The following DYM variants were observed in gnomAD, a reference collection of about 807,000 sequenced individuals.
The protein encoded by DYM is dymeclin, also known as dyggve-Melchior-Clausen syndrome protein.
A neutral mutation model predicts 93.1 loss-of-function variants in DYM; 78 were observed. The observed-to-expected ratio is 0.84, with a 90% CI of 0.70 to 1.01. The LOEUF (loss-of-function observed/expected upper bound fraction) is 1.01, where lower values mean the gene tolerates loss of function less well. Ranked by LOEUF, DYM falls within the 50% of genes least tolerant of loss-of-function variation. The pLI is 0.00. For synonymous variants in DYM, 321 were observed against 319.7 expected (o/e 1.00, Z -0.04); for missense variants, 789 against 845.0 (o/e 0.93, Z 0.82).
At chr18:49,114,514 G>A in intron 16 of DYM, 5 of 976,218 alleles carry the variant, frequency 5.1e-6, no homozygotes, top group Non-Finnish European at 6.1e-6. Context: ...TTACAGTGAG[G>A]TCCTTTCTAC....
chr18:49,107,778 G>A (rs2080991281), intron 16 of DYM, among the ~76,000 whole-genome samples: 1 of 152,196 alleles, frequency 6.6e-6, no homozygotes, highest in Non-Finnish European at 1.5e-5. Flanking sequence ...TTTTGTCTGA[G>A]ACGAGTACCC....
intron 15 of DYM, among the ~76,000 whole-genome samples, chr18:49,125,028 G>C (rs1224543193): frequency 6.6e-6 from 1 of 152,210 alleles, no homozygotes; most frequent in Non-Finnish European, 1.5e-5. Flanking sequence ...GGGAGGCTGA[G>C]GCAGGCGGAT....
chr18:49,092,078 A>T (rs2079096598), intron 17 of DYM, among the ~76,000 whole-genome samples: 1 of 152,198 alleles, frequency 6.6e-6, no homozygotes, highest in African/African-American at 2.4e-5. Flanking sequence ...CTTTCATTTC[A>T]GTTGTATATA....
At chr18:49,230,860 A>G (rs2093674274) in intron 13 of DYM, among the ~76,000 whole-genome samples, 1 of 152,246 alleles carries the variant, frequency 6.6e-6, no homozygotes, top group South Asian at 2.1e-4. Flanking sequence ...AAAGAGATAC[A>G]GAACCATGCA....
intron 8 of DYM, among the ~76,000 whole-genome samples, chr18:49,286,860 A>G (rs1380129007): frequency 6.6e-6 from 1 of 152,176 alleles, no homozygotes; most frequent in African/African-American, 2.4e-5. Context: ...TAAATTTTGT[A>G]AAAAAGTGAA....
At chr18:49,185,554 A>G (rs1235100895) in intron 14 of DYM, among the ~76,000 whole-genome samples, 2 of 152,258 alleles carry the variant, frequency 1.3e-5, no homozygotes, top group East Asian at 1.9e-4. Flanking sequence ...AAAGGCAGAA[A>G]GCTCACAACA....
chr18:49,096,205 C>T (rs936552241), intron 17 of DYM, among the ~76,000 whole-genome samples: 4 of 152,166 alleles, frequency 2.6e-5, no homozygotes, highest in African/African-American at 7.2e-5. Context: ...ATGCTATTAC[C>T]ACATGGTGGT....
In DYM at chr18:49,364,377, A is replaced by G. The variant is rs543797529; in HGVS notation, c.422-1144T>C. ...GGAGAATTGCTTGAACCCGGGAGGA[A>G]GAGGTTGCAGTGAACTGAGGTCGCG... is the stretch of plus-strand genomic sequence containing the variant. On this transcript the variant is annotated intron_variant, in intron 5 of 17. Coordinates refer to ENST00000675505, the MANE Select transcript of DYM (RefSeq NM_001353214.3). Among the ~76,000 whole-genome samples the G allele has an allele frequency of 4.7e-4, 72 of 152,120 alleles. No individual in the cohort carries two copies. The Middle Eastern group carries it at 0.017, about 36-fold the overall frequency.
At chr18:49,450,623 G>C (rs546201945) in intron 1 of DYM, among the ~76,000 whole-genome samples, 1 of 152,170 alleles carries the variant, frequency 6.6e-6, no homozygotes, top group Non-Finnish European at 1.5e-5. Flanking sequence ...CCAGAGAAGA[G>C]GTAAACAGGA....
intron 9 of DYM, among the ~76,000 whole-genome samples, chr18:49,285,730 G>A (rs984533958): frequency 3.9e-5 from 6 of 152,244 alleles, no homozygotes; most frequent in African/African-American, 1.4e-4. Flanking sequence ...CTGCTGTTGA[G>A]CAGCACTTGA....
At chr18:49,125,234 G>A (rs554784349) in intron 15 of DYM, among the ~76,000 whole-genome samples, 1 of 152,306 alleles carries the variant, frequency 6.6e-6, no homozygotes, top group South Asian at 2.1e-4. Flanking sequence ...ACTCCAGCCT[G>A]GGTGACAGAG....
chr18:49,085,466 T>G (rs749998458), intron 17 of DYM, among the ~76,000 whole-genome samples: 1 of 152,148 alleles, frequency 6.6e-6, no homozygotes, highest in Non-Finnish European at 1.5e-5. Flanking sequence ...AAGTAGAACA[T>G]GCTGGGAGTG....
rs367755116 is a variant in DYM, at chr18:49,399,613, G to C, written c.141-7968C>G. Among the ~76,000 whole-genome samples the C allele has an allele frequency of 5.9e-5, 9 of 152,262 alleles. No homozygotes were observed. In the East Asian group the frequency reaches 7.7e-4, roughly 13 times the overall value. On this transcript the variant is annotated intron_variant, in intron 2 of 17. Coordinates refer to ENST00000675505, the MANE Select transcript of DYM (RefSeq NM_001353214.3). ...TTTGATCAGGTCTCACCTAAGACAA[G>C]GTAAGAAGTCCATTCTCCACCCCAA...
intron 13 of DYM, among the ~76,000 whole-genome samples, chr18:49,232,921 TCTTATA>T (rs1480262441): frequency 3.9e-5 from 6 of 152,100 alleles, no homozygotes; most frequent in South Asian, 2.1e-4. Context: ...AAACGGAATT[TCTTATA>T]CTTAAAGTGT....
At chr18:49,384,265 T>G (rs908132636) in intron 3 of DYM, among the ~76,000 whole-genome samples, 3 of 136,974 alleles carry the variant, frequency 2.2e-5, no homozygotes, top group African/African-American at 8.3e-5. Context: ...GAAGCTGCAG[T>G]GAGCCATGAT....
intron 15 of DYM, chr18:49,126,099 A>G (rs1406059209): frequency 6.6e-6 from 1 of 152,090 alleles, no homozygotes; most frequent in African/African-American, 2.4e-5. Flanking sequence ...CCTTGCAACT[A>G]ATTCATTTCC....
intron 1 of DYM, among the ~76,000 whole-genome samples, chr18:49,450,343 A>T (rs1271414224): frequency 6.6e-6 from 1 of 152,242 alleles, no homozygotes; most frequent in East Asian, 1.9e-4. Context: ...TTTTATCAAA[A>T]GGTTGTTTAC....
intron 6 of DYM, among the ~76,000 whole-genome samples, chr18:49,354,698 T>C (rs2065391832): frequency 6.6e-6 from 1 of 152,066 alleles, no homozygotes; most frequent in Non-Finnish European, 1.5e-5. Flanking sequence ...TCATATGTCA[T>C]TAGGGAACTG....
intron 14 of DYM, among the ~76,000 whole-genome samples, chr18:49,169,647 C>T (rs1041913950): frequency 6.6e-6 from 1 of 152,178 alleles, no homozygotes; most frequent in African/African-American, 2.4e-5. Context: ...CTCCTTGTGC[C>T]TCTATGTCCT....
Sources: gnomAD v4.1 joint callset for allele counts (sites outside exome capture counted in the v4.1 genomes callset) on GRCh38, gnomAD v4.1.1 for gene constraint, MANE v1.5 for transcripts, NCBI Gene and HGNC (gene_info 2026-07-23, HGNC 2026-07-21) for gene names.